The following STARD3 variants were observed in gnomAD, a reference collection of about 807,000 sequenced individuals.
STARD3 encodes the protein StAR related lipid transfer domain containing 3, also known as stAR-related lipid transfer protein 3.
Under a neutral mutation model 62.0 loss-of-function variants are expected in STARD3, and 39 were observed. The ratio of observed to expected loss-of-function variants is 0.63; its 90% CI spans 0.49 to 0.82. The LOEUF (loss-of-function observed/expected upper bound fraction) is 0.82, where lower values mean the gene tolerates loss of function less well. Ranked by LOEUF, STARD3 falls within the 40% of genes least tolerant of loss-of-function variation. The pLI is 0.00. For missense variants in STARD3, 543 were observed against 584.5 expected, an observed-to-expected ratio of 0.93 and a Z score of 0.73; for synonymous variants, 229 against 242.4, an observed-to-expected ratio of 0.94 and a Z score of 0.51.
At chr17:39,654,492 G>A (rs1250473564) in intron 2 of STARD3, among the ~76,000 whole-genome samples, 4 of 152,228 alleles carry the variant, frequency 2.6e-5, no homozygotes. Flanking sequence ...GATGCTGCCG[G>A]GCAGCCTGGA....
At chr17:39,653,855 G>A in intron 2 of STARD3, 105 bp downstream of exon 2, 1 of 1,339,110 alleles carries the variant, frequency 7.5e-7, no homozygotes, top group East Asian at 2.4e-5. Context: ...GGGTTGGTTA[G>A]CTGGGTAAAA....
chr17:39,661,184 T>C (rs1162341249), intron 13 of STARD3, 99 bp downstream of exon 13: 11 of 1,057,522 alleles, frequency 1.0e-5, no homozygotes, highest in Non-Finnish European at 1.5e-5. Context: ...CTTCCCCTGC[T>C]GAGGCTGCGT....
At chr17:39,655,732 A>G (rs1309723000) in intron 2 of STARD3, among the ~76,000 whole-genome samples, 1 of 152,042 alleles carries the variant, frequency 6.6e-6, no homozygotes, top group Non-Finnish European at 1.5e-5. Context: ...TTGGGAGCAT[A>G]TATTTTTAGT....
At chr17:39,649,069 G>T (rs1475790213) in intron 1 of STARD3, among the ~76,000 whole-genome samples, 6 of 152,204 alleles carry the variant, frequency 3.9e-5, no homozygotes, top group Non-Finnish European at 7.3e-5. Context: ...AAGTGGGAGA[G>T]ACTGATGGGA....
At chr17:39,661,238 A>C (rs2145046509) in intron 13 of STARD3, 153 bp downstream of exon 13, 2 of 652,188 alleles carry the variant, frequency 3.1e-6, no homozygotes, top group Non-Finnish European at 5.3e-6. Flanking sequence ...CTGGCTACTA[A>C]TCCTGCTAAT....
Position 39,658,812 on chromosome 17 carries a change from C to T in STARD3, c.638C>T (p.Ser213Phe). ...GGACAGTTCTATTCACCCCCAGAATCCTTTGCAGGTGAGGGCTGGTGTGTG... is the reference window on the plus strand; with the variant it reads ...GGACAGTTCTATTCACCCCCAGAATTCTTTGCAGGTGAGGGCTGGTGTGTG... The part of the protein sequence containing the change: ...SEGQFYSPPE[S>F]FAGSDNESDE... Residue 213 changes from serine (S) to phenylalanine (F), a missense_variant, in exon 7 of 15, where the codon TCC becomes TTC. Transcript: ENST00000336308. The T allele has an allele frequency of 6.2e-7, 1 of 1,613,946 alleles. No homozygotes were observed. Among genetic ancestry groups the T allele is most frequent in the Non-Finnish European group, 8.5e-7 (1 of 1,179,980 alleles).
chr17:39,662,680 C>G, intron 14 of STARD3, 124 bp from the exon 15 acceptor site: 1 of 951,330 alleles, frequency 1.1e-6, no homozygotes, highest in Non-Finnish European at 1.6e-6. Flanking sequence ...GAGAGGGCGA[C>G]CCAGGCTGGA....
chr17:39,639,244 CAATA>C (rs1368088387), intron 1 of STARD3, among the ~76,000 whole-genome samples: 2 of 152,142 alleles, frequency 1.3e-5, no homozygotes, highest in African/African-American at 2.4e-5. Context: ...GGCTCTTTGC[CAATA>C]AATAAAATGC....
chr17:39,662,669 G>A, intron 14 of STARD3, 135 bp from the exon 15 acceptor site: 1 of 828,266 alleles, frequency 1.2e-6, no homozygotes, highest in Non-Finnish European at 1.9e-6. Context: ...GGGGTGAGTG[G>A]GAGAGGGCGA....
chr17:39,648,102 G>A (rs1354336610), intron 1 of STARD3, among the ~76,000 whole-genome samples: 4 of 151,950 alleles, frequency 2.6e-5, no homozygotes, highest in Admixed American at 6.6e-5. Flanking sequence ...TAGCTAATAC[G>A]GTGAAACCCC....
At chr17:39,648,719 G>A (rs1330811352) in intron 1 of STARD3, among the ~76,000 whole-genome samples, 1 of 152,100 alleles carries the variant, frequency 6.6e-6, no homozygotes, top group Non-Finnish European at 1.5e-5. Context: ...CCCCGCCCCT[G>A]CCTTCGAGCC....
chr17:39,661,249 C>T (rs2145046807), intron 13 of STARD3, 164 bp downstream of exon 13: 1 of 645,412 alleles, frequency 1.5e-6, no homozygotes, highest in Non-Finnish European at 2.7e-6. Flanking sequence ...TCCTGCTAAT[C>T]TTGCTGCTCT....
chr17:39,650,227 G>A (rs192966036), intron 1 of STARD3, among the ~76,000 whole-genome samples: 32 of 152,244 alleles, frequency 2.1e-4, no homozygotes, highest in Non-Finnish European at 4.1e-4. Flanking sequence ...ACTGGTGTCC[G>A]TATCAGGAGA....
chr17:39,646,122 C>T (rs1475072791), intron 1 of STARD3, among the ~76,000 whole-genome samples: 2 of 152,080 alleles, frequency 1.3e-5, no homozygotes, highest in Non-Finnish European at 1.5e-5. Flanking sequence ...AAACTCCTGA[C>T]CTCAGGTGAT....
At position 39,660,280 on chromosome 17, in the gene STARD3, G is replaced by A. The variant is rs2057181057; in HGVS notation, c.858+7G>A. 6.2e-7 allele frequency: 1 copy of A among 1,614,058 alleles called. No individual in the cohort carries two copies. Among genetic ancestry groups the A allele is most frequent in the East Asian group, 2.2e-5 (1 of 44,880 alleles). ...CAAGACGTTTATCCTGAAGGTGAGT[G>A]AGGGGAGCGGGTGTCCTGGAGCCCC... On this transcript the variant is annotated splice_region_variant and intron_variant, in intron 10 of 14. Transcript: ENST00000336308. The surrounding 1 kb of genome is among the most constrained non-coding windows in gnomAD (Gnocchi z 4.8).
At position 39,656,965 on chromosome 17, in the gene STARD3, C is replaced by T. The variant is rs770992188; in HGVS notation, c.220-43C>T. 4.9e-5 allele frequency: 79 copies of T among 1,605,142 alleles called. 1 individual carries two copies. The Admixed American group carries it at 1.3e-3, about 26-fold the overall frequency. ...CGGGAGGTGAGGGGCAGCCCCAGGC[C>T]CTTGCTTCTACCTGCAGAGCTCTTC... is the stretch of plus-strand genomic sequence containing the variant. On this transcript the variant is annotated intron_variant, in intron 2 of 14. Coordinates refer to ENST00000336308, the MANE Select transcript of STARD3 (RefSeq NM_006804.4).
At chr17:39,640,512 A>G (rs1343879898) in intron 1 of STARD3, among the ~76,000 whole-genome samples, 1 of 132,508 alleles carries the variant, frequency 7.5e-6, no homozygotes, top group Admixed American at 7.3e-5. Context: ...CATCCCCCCA[A>G]CCCCCCCACC....
At chr17:39,647,380 A>G (rs941806458) in intron 1 of STARD3, among the ~76,000 whole-genome samples, 1 of 152,128 alleles carries the variant, frequency 6.6e-6, no homozygotes, top group Non-Finnish European at 1.5e-5. Context: ...GGGAGAGGCC[A>G]GTCACAGCAA....
In STARD3 at chr17:39,660,205, C is replaced by T; in HGVS notation, c.796-6C>T. 1.2e-6 allele frequency: 2 copies of T among 1,613,952 alleles called. No homozygotes were observed. Among genetic ancestry groups the T allele is most frequent in the Non-Finnish European group, 1.7e-6 (2 of 1,179,892 alleles). ...TCCTCCCTGCCACCTTCTGTCCCTG[C>T]CATAGGAATATGGGGACACCGTGTA... On this transcript the variant is annotated splice_region_variant and splice_polypyrimidine_tract_variant and intron_variant, in intron 9 of 14. Coordinates refer to ENST00000336308, the MANE Select transcript of STARD3 (RefSeq NM_006804.4). This position sits in a 1 kb window ranked among gnomAD's most constrained non-coding sequence, Gnocchi z 4.8.
Sources: gnomAD v4.1 joint callset for allele counts (sites outside exome capture counted in the v4.1 genomes callset) on GRCh38, gnomAD v4.1.1 for gene constraint, Gnocchi (gnomAD v3.1) non-coding constraint, MANE v1.5 for transcripts, NCBI Gene and HGNC (gene_info 2026-07-23, HGNC 2026-07-21) for gene names.